Variants in RBBP8 observed in about 807,000 individuals in gnomAD.
The protein encoded by RBBP8 is RB binding protein 8, endonuclease.
RBBP8 carries 88 observed loss-of-function variants against 108.3 expected under a neutral mutation model. That is an observed-to-expected ratio of 0.81 (90% CI 0.68 to 0.97). The LOEUF is 0.97. Among genes scored for constraint, RBBP8 ranks in the 50% least tolerant of loss-of-function variants. RBBP8 has a pLI of 0.00. For missense variants in RBBP8, 1,023 were observed against 1,049.0 expected (o/e 0.98, Z 0.34); for synonymous variants, 332 against 348.2 (o/e 0.95, Z 0.52).
At chr18:22,922,954 T>C (rs1440027894) in intron 3 of RBBP8, among the ~76,000 whole-genome samples, 2 of 152,168 alleles carry the variant, frequency 1.3e-5, no homozygotes, top group Admixed American at 6.5e-5. Flanking sequence ...AGATAATACA[T>C]GTAAAAGCAT....
At chr18:22,950,940 T>A (rs1407558380) in intron 4 of RBBP8, among the ~76,000 whole-genome samples, 1 of 152,204 alleles carries the variant, frequency 6.6e-6, no homozygotes, top group East Asian at 1.9e-4. Flanking sequence ...TTGTATATGT[T>A]ACGGAAGGGC....
At chr18:22,916,615 C>G (rs2144324571) in intron 2 of RBBP8, among the ~76,000 whole-genome samples, 1 of 152,152 alleles carries the variant, frequency 6.6e-6, no homozygotes, top group South Asian at 2.1e-4. Context: ...ATATTTTAAT[C>G]TATACCATTA....
At chr18:22,921,040 A>G (rs1009076493) in intron 3 of RBBP8, among the ~76,000 whole-genome samples, 4 of 152,234 alleles carry the variant, frequency 2.6e-5, no homozygotes, top group African/African-American at 9.6e-5. Context: ...CAAATTTTTA[A>G]AAGTTGAAAC....
chr18:22,920,137 A>C (rs1909530307), intron 3 of RBBP8, among the ~76,000 whole-genome samples: 1 of 152,072 alleles, frequency 6.6e-6, no homozygotes, highest in South Asian at 2.1e-4. Flanking sequence ...AGCCTGGGAA[A>C]CAAAGTGAGA....
chr18:22,974,328 C>T (rs1406607830), intron 5 of RBBP8, among the ~76,000 whole-genome samples: 1 of 152,164 alleles, frequency 6.6e-6, no homozygotes, highest in East Asian at 1.9e-4. Flanking sequence ...CAAACAGATA[C>T]TCTTCAATGG....
At chr18:23,020,697 C>G (rs1390861371) in intron 17 of RBBP8, among the ~76,000 whole-genome samples, 1 of 152,064 alleles carries the variant, frequency 6.6e-6, no homozygotes, top group Admixed American at 6.6e-5. Context: ...AAGTCCTTAT[C>G]AAGGACAACA....
At chr18:23,004,083 A>C (rs2045995990) in intron 15 of RBBP8, among the ~76,000 whole-genome samples, 1 of 141,836 alleles carries the variant, frequency 7.1e-6, no homozygotes, top group South Asian at 2.3e-4. Context: ...AAAAAAAAAA[A>C]CTAAAAATGG....
intron 10 of RBBP8, among the ~76,000 whole-genome samples, chr18:22,991,860 A>G (rs1915725061): frequency 6.6e-6 from 1 of 152,166 alleles, no homozygotes; most frequent in Non-Finnish European, 1.5e-5. Flanking sequence ...AGATATATAG[A>G]TATCTATCTA....
intron 16 of RBBP8, among the ~76,000 whole-genome samples, chr18:23,007,070 G>C (rs2046065221): frequency 6.7e-6 from 1 of 150,044 alleles, no homozygotes; most frequent in African/African-American, 2.5e-5. Context: ...GCCCCGGCTG[G>C]AGTACAGTGG....
At chr18:22,966,983 C>A (rs921247844) in intron 4 of RBBP8, among the ~76,000 whole-genome samples, 2 of 152,124 alleles carry the variant, frequency 1.3e-5, no homozygotes, top group Non-Finnish European at 2.9e-5. Context: ...ACCTCGGCCT[C>A]CCAAAGTACT....
intron 6 of RBBP8, 44 bp downstream of exon 6, chr18:22,975,263 A>G (rs775516259): frequency 1.9e-5 from 31 of 1,601,672 alleles, no homozygotes; most frequent in African/African-American, 4.0e-5. Flanking sequence ...TTATTTAGCT[A>G]TACAAACCAT....
chr18:22,920,110 C>T (rs987632616), intron 3 of RBBP8, among the ~76,000 whole-genome samples: 5 of 151,848 alleles, frequency 3.3e-5, no homozygotes, highest in Non-Finnish European at 5.9e-5. Flanking sequence ...ATTGCTTGAG[C>T]CCAGGAGTTC....
At chr18:22,918,436 C>T (rs1348313350) in intron 3 of RBBP8, among the ~76,000 whole-genome samples, 1 of 152,118 alleles carries the variant, frequency 6.6e-6, no homozygotes, top group Non-Finnish European at 1.5e-5. Flanking sequence ...CTGTAAGCAA[C>T]TGTAACATAG....
intron 16 of RBBP8, among the ~76,000 whole-genome samples, chr18:23,007,663 A>C (rs1159863916): frequency 7.0e-6 from 1 of 142,016 alleles, no homozygotes; most frequent in Non-Finnish European, 1.5e-5. Context: ...GCGCCACTGC[A>C]CTCCAGCCTG....
chr18:22,938,445 C>T (rs896853414), intron 2 of RBBP8, among the ~76,000 whole-genome samples: 18 of 152,164 alleles, frequency 1.2e-4, no homozygotes, highest in Non-Finnish European at 2.4e-4. Context: ...CCTTGGCCTC[C>T]CAAACAGCTA....
At chr18:23,016,184 T>C (rs2046252415) in intron 16 of RBBP8, among the ~76,000 whole-genome samples, 1 of 152,178 alleles carries the variant, frequency 6.6e-6, no homozygotes, top group Non-Finnish European at 1.5e-5. Context: ...TCTTTTTTGC[T>C]CAGGATTGCT....
At chr18:22,987,530 T>G (rs1336280255) in intron 8 of RBBP8, among the ~76,000 whole-genome samples, 1 of 152,142 alleles carries the variant, frequency 6.6e-6, no homozygotes. Flanking sequence ...CACAGCTCAC[T>G]GCAGCCTCAA....
intron 15 of RBBP8, among the ~76,000 whole-genome samples, chr18:23,005,541 T>C (rs2046028013): frequency 6.6e-6 from 1 of 152,022 alleles, no homozygotes; most frequent in African/African-American, 2.4e-5. Flanking sequence ...GCCTCCCGAG[T>C]AGCTGGGATT....
chr18:22,922,446 A>G (rs1260459898), intron 3 of RBBP8, among the ~76,000 whole-genome samples: 1 of 152,090 alleles, frequency 6.6e-6, no homozygotes, highest in Non-Finnish European at 1.5e-5. Context: ...AAGCCCAATA[A>G]TAACAGATAT....
Sources: allele counts gnomAD v4.1 joint callset (sites outside exome capture counted in the v4.1 genomes callset), GRCh38; gene constraint gnomAD v4.1.1; transcripts MANE v1.5; gene names NCBI Gene and HGNC (gene_info 2026-07-23, HGNC 2026-07-21).